The following SLC25A13 variants were observed in gnomAD, a reference collection of about 807,000 sequenced individuals.
SLC25A13 encodes electrogenic aspartate/glutamate antiporter SLC25A13, mitochondrial.
In SLC25A13, 70 loss-of-function variants were observed where a neutral mutation model predicts 85.5. The observed-to-expected ratio is 0.82, with a 90% confidence interval of 0.68 to 1.00. SLC25A13 has a LOEUF of 1.00. SLC25A13 is among the 50% of genes least tolerant of loss of function. SLC25A13 has a pLI of 0.00. For missense variants in SLC25A13, 765 were observed against 819.8 expected (o/e 0.93, Z 0.82); for synonymous variants, 259 against 288.7 (o/e 0.90, Z 1.04).
chr7:96,274,600 T>A (rs1012896073), intron 3 of SLC25A13, among the ~76,000 whole-genome samples: 1 of 152,186 alleles, frequency 6.6e-6, no homozygotes, highest in Admixed American at 6.5e-5. Context: ...ATGTCCTGAA[T>A]GGTATTGCCT....
chr7:96,296,020 T>C (rs1335852647), intron 2 of SLC25A13, among the ~76,000 whole-genome samples: 3 of 151,990 alleles, frequency 2.0e-5, no homozygotes, highest in Non-Finnish European at 2.9e-5. Context: ...TTTATTCTAT[T>C]AATCATTCAC....
At chr7:96,163,303 C>A (rs1393309464) in intron 13 of SLC25A13, among the ~76,000 whole-genome samples, 2 of 152,108 alleles carry the variant, frequency 1.3e-5, no homozygotes, top group Non-Finnish European at 2.9e-5. Context: ...TTGAAAAGAC[C>A]AAGCTACACA....
chr7:96,234,658 A>C, intron 4 of SLC25A13, 144 bp downstream of exon 4: 1 of 633,102 alleles, frequency 1.6e-6, no homozygotes, highest in Non-Finnish European at 2.8e-6. Flanking sequence ...GAGCTCCAAA[A>C]CATTGAAGTA....
At chr7:96,302,462 C>T (rs1233402140) in intron 1 of SLC25A13, among the ~76,000 whole-genome samples, 1 of 152,076 alleles carries the variant, frequency 6.6e-6, no homozygotes, top group Non-Finnish European at 1.5e-5. Flanking sequence ...GTTGTCAGAT[C>T]TAAGAGAGGA....
chr7:96,161,079 T>C (rs1389133610), intron 13 of SLC25A13, among the ~76,000 whole-genome samples: 1 of 151,888 alleles, frequency 6.6e-6, no homozygotes, highest in Non-Finnish European at 1.5e-5. Flanking sequence ...AGTCATTCAA[T>C]AAAGTCTTTT....
chr7:96,308,287 GC>G (rs1799833784), intron 1 of SLC25A13, among the ~76,000 whole-genome samples: 1 of 152,184 alleles, frequency 6.6e-6, no homozygotes, highest in Admixed American at 6.5e-5. Context: ...CAATCTAGCA[GC>G]GCCTTGCTTC....
intron 1 of SLC25A13, among the ~76,000 whole-genome samples, chr7:96,297,896 T>C (rs183548194): frequency 2.6e-5 from 4 of 152,316 alleles, no homozygotes; most frequent in Non-Finnish European, 5.9e-5. Flanking sequence ...AGAATGGGTG[T>C]TGTGCTTAAT....
At chr7:96,188,212 G>A (rs1396022834) in intron 9 of SLC25A13, among the ~76,000 whole-genome samples, 3 of 152,280 alleles carry the variant, frequency 2.0e-5, no homozygotes, top group East Asian at 1.9e-4. Context: ...ACCTCTACAC[G>A]TGATTATAGT....
Position 96,170,062 on chromosome 7 carries a change from T to C in SLC25A13, c.1294A>G (p.Ile432Val), listed in dbSNP as rs766130485. The change falls in exon 13 of 18, where the codon ATT (isoleucine) becomes GTT (valine). Residue 432 changes from isoleucine to valine, a missense_variant. By Grantham distance (29) the Ile-to-Val change is conservative. Transcript: ENST00000265631. The part of the protein sequence containing the change: ...KDGSVPLAAE[I>V]LAGGCAGGSQ... ...GTACTTACGCAGCCTCCAGCAAGAA[T>C]TTCTGCTGCAAGTGGGACCGAACCA... is the stretch of plus-strand genomic sequence containing the variant. 4 of 1,614,196 alleles carry C rather than the reference T, an allele frequency of 2.5e-6. No individual in the cohort carries two copies. The highest frequency in any genetic ancestry group is 2.2e-5 in the South Asian group (2 of 91,084).
At chr7:96,264,839 A>G (rs75080701) in intron 3 of SLC25A13, among the ~76,000 whole-genome samples, 4,238 of 152,216 alleles carry the variant, frequency 0.028, 89 homozygotes, top group Non-Finnish European at 0.044. Flanking sequence ...ATGAGCCAGC[A>G]CACCCAGCCA....
chr7:96,248,023 C>A (rs1479630290), intron 3 of SLC25A13, among the ~76,000 whole-genome samples: 2 of 151,672 alleles, frequency 1.3e-5, no homozygotes, highest in Non-Finnish European at 2.9e-5. Flanking sequence ...TACACCACCC[C>A]AAACAAGCAT....
At chr7:96,310,980 C>T (rs760081573) in intron 1 of SLC25A13, among the ~76,000 whole-genome samples, 5 of 152,156 alleles carry the variant, frequency 3.3e-5, no homozygotes, top group Admixed American at 1.3e-4. Context: ...CCCATTTCAT[C>T]ATCCCAAACA....
chr7:96,287,740 C>T (rs1438787847), intron 2 of SLC25A13, among the ~76,000 whole-genome samples: 1 of 152,224 alleles, frequency 6.6e-6, no homozygotes, highest in East Asian at 1.9e-4. Flanking sequence ...TGTATTGAGA[C>T]ACCCTCTATG....
At chr7:96,173,544 C>T (rs893066640) in intron 11 of SLC25A13, among the ~76,000 whole-genome samples, 19 of 152,194 alleles carry the variant, frequency 1.2e-4, no homozygotes, top group African/African-American at 4.1e-4. Flanking sequence ...ATCCTATCAG[C>T]ATTTGAGTTT....
At chr7:96,302,599 T>C (rs780280530) in intron 1 of SLC25A13, among the ~76,000 whole-genome samples, 55 of 152,214 alleles carry the variant, frequency 3.6e-4, no homozygotes, top group Non-Finnish European at 1.0e-4. Context: ...CCACCATCTC[T>C]GTGAGGGCAC....
chr7:96,238,394 G>T (rs1584496143), intron 3 of SLC25A13, among the ~76,000 whole-genome samples: 1 of 148,530 alleles, frequency 6.7e-6, no homozygotes, highest in Non-Finnish European at 1.5e-5. Flanking sequence ...CAACTAATTT[G>T]TTTTTTTTTT....
At chr7:96,149,588 T>C (rs1792943383) in intron 13 of SLC25A13, among the ~76,000 whole-genome samples, 1 of 152,194 alleles carries the variant, frequency 6.6e-6, no homozygotes, top group South Asian at 2.1e-4. Context: ...CATAATGATG[T>C]ACCCATTATC....
chr7:96,311,957 G>C (rs1367280031), intron 1 of SLC25A13, among the ~76,000 whole-genome samples: 2 of 152,184 alleles, frequency 1.3e-5, no homozygotes, highest in African/African-American at 4.8e-5. Flanking sequence ...ACAAACTGCT[G>C]TGAAGAATAT....
chr7:96,287,166 T>C (rs368154233), intron 2 of SLC25A13, among the ~76,000 whole-genome samples: 2 of 152,256 alleles, frequency 1.3e-5, no homozygotes, highest in East Asian at 3.9e-4. Context: ...CTCACCACAA[T>C]ACCATCTGTG....
Sources: allele counts gnomAD v4.1 joint callset (sites outside exome capture counted in the v4.1 genomes callset), GRCh38; gene constraint gnomAD v4.1.1; transcripts MANE v1.5; gene names NCBI Gene and HGNC (gene_info 2026-07-23, HGNC 2026-07-21).